Variants in UTP18 observed in about 807,000 individuals in gnomAD.
UTP18 encodes UTP18 small subunit processome component, also known as U3 small nucleolar RNA-associated protein 18 homolog.
In UTP18, 36 loss-of-function variants were observed where a neutral mutation model predicts 61.1. That is an observed-to-expected ratio of 0.59 (90% CI 0.45 to 0.78). UTP18 has a LOEUF of 0.78. UTP18 is among the 30% of genes least tolerant of loss of function. The pLI, the probability that UTP18 is intolerant of heterozygous loss-of-function variation, is 0.00. For synonymous variants in UTP18, 282 were observed against 251.1 expected, an observed-to-expected ratio of 1.12 and a Z score of -1.16; for missense variants, 753 against 693.9, an observed-to-expected ratio of 1.09 and a Z score of -0.96.
At chr17:51,290,891 T>C (rs908226627) in intron 11 of UTP18, among the ~76,000 whole-genome samples, 2 of 152,240 alleles carry the variant, frequency 1.3e-5, no homozygotes, top group Non-Finnish European at 2.9e-5. Flanking sequence ...CAATTCCTTA[T>C]AATGATCTAG....
intron 1 of UTP18, among the ~76,000 whole-genome samples, chr17:51,261,241 G>C (rs2144378460): frequency 6.6e-6 from 1 of 152,348 alleles, no homozygotes; most frequent in Non-Finnish European, 1.5e-5. Context: ...TTCCCAAACT[G>C]AGGGTGGTCT....
Position 51,276,944 on chromosome 17 carries a change from A to G in UTP18, c.838-186A>G, listed in dbSNP as rs549797756. Among the ~76,000 whole-genome samples, 8 of 152,288 alleles carry G rather than the reference A, an allele frequency of 5.3e-5. No homozygotes were observed. The South Asian group carries it at 1.5e-3, about 28-fold the overall frequency. ...AGAAGCTCTCTGAATACCTTCTGTTAAGCCTTTTTATGAAGGCCTCTTGAC... is the reference window on the plus strand; with the variant it reads ...AGAAGCTCTCTGAATACCTTCTGTTGAGCCTTTTTATGAAGGCCTCTTGAC... On this transcript the variant is annotated intron_variant, in intron 6 of 13. Coordinates refer to ENST00000225298, the MANE Select transcript of UTP18 (RefSeq NM_016001.3).
In UTP18 at chr17:51,288,152, T is replaced by C. The variant is rs765210027; in HGVS notation, c.1452T>C (p.Thr484=). ...TTACTTCTCTGACCTTCAATCCTACTACAGAAATCTTGGCAATTGCTTCAG... is the reference window on the plus strand; with the variant it reads ...TTACTTCTCTGACCTTCAATCCTACCACAGAAATCTTGGCAATTGCTTCAG... The part of the protein sequence containing the change: ...TGVTSLTFNP[T]TEILAIASEK... Residue 484 remains threonine (T), a synonymous_variant, in exon 11 of 14, where the codon ACT becomes ACC. Transcript: ENST00000225298. The C allele has an allele frequency of 5.6e-6, 9 of 1,603,122 alleles. No individual in the cohort carries two copies. The African/African-American group carries it at 1.1e-4, about 19-fold the overall frequency.
intron 10 of UTP18, among the ~76,000 whole-genome samples, 160 bp from the exon 11 acceptor site, chr17:51,287,869 G>A (rs1020291855): frequency 6.6e-6 from 1 of 152,186 alleles, no homozygotes; most frequent in African/African-American, 2.4e-5. Flanking sequence ...TGTTTGGTTG[G>A]AGGTTCTATA....
At chr17:51,263,549 G>A (rs542306687) in intron 2 of UTP18, among the ~76,000 whole-genome samples, 163 bp downstream of exon 2, 5 of 152,244 alleles carry the variant, frequency 3.3e-5, no homozygotes, top group African/African-American at 1.2e-4. Context: ...CACCACCGAG[G>A]GAGAACTGCT....
chr17:51,282,867 C>CTTTTTTTTTTTTTTTTTTTTTTT (rs534175274), intron 9 of UTP18, among the ~76,000 whole-genome samples: 1 of 120,696 alleles, frequency 8.3e-6, no homozygotes, highest in Admixed American at 9.2e-5. Flanking sequence ...TCTTCTTCTT[C>CTTTTTTTTTTTTTTTTTTTTTTT]TTTTTTTTTT....
chr17:51,277,031 T>TA (rs1904746164), intron 6 of UTP18, 99 bp from the exon 7 acceptor site: 1 of 1,268,466 alleles, frequency 7.9e-7, no homozygotes, highest in Admixed American at 2.2e-5. Context: ...GCCCCTTGGA[T>TA]ATGTATTTTT....
chr17:51,268,005 T>TTG (rs1904357334), intron 3 of UTP18, among the ~76,000 whole-genome samples: 1 of 143,168 alleles, frequency 7.0e-6, no homozygotes, highest in Non-Finnish European at 1.5e-5. Flanking sequence ...TTTTTGTTTT[T>TTG]TGTTTTTTGT....
At chr17:51,291,163 G>A (rs1216171215) in intron 11 of UTP18, among the ~76,000 whole-genome samples, 1 of 152,214 alleles carries the variant, frequency 6.6e-6, no homozygotes, top group Non-Finnish European at 1.5e-5. Flanking sequence ...TGAGGCCGAG[G>A]CAGATGGATC....
chr17:51,296,771 G>A (rs781313185), intron 12 of UTP18, 194 bp from the exon 13 acceptor site: 1 of 522,382 alleles, frequency 1.9e-6, no homozygotes. Flanking sequence ...GCCTACTCAT[G>A]TTACCTAAAA....
At chr17:51,273,771 A>AAATAAATT (rs1263393227) in intron 5 of UTP18, among the ~76,000 whole-genome samples, 1 of 150,418 alleles carries the variant, frequency 6.6e-6, no homozygotes, top group Non-Finnish European at 1.5e-5. Flanking sequence ...ATAAATAAAT[A>AAATAAATT]AATTTTCCAG....
intron 6 of UTP18, among the ~76,000 whole-genome samples, chr17:51,276,550 G>A (rs547551347): frequency 1.3e-5 from 2 of 152,300 alleles, no homozygotes; most frequent in South Asian, 4.1e-4. Flanking sequence ...GGTCTTCCAT[G>A]TTTAATCTAA....
chr17:51,265,988 A>G (rs574120890), intron 2 of UTP18, among the ~76,000 whole-genome samples, 194 bp from the exon 3 acceptor site: 2 of 152,378 alleles, frequency 1.3e-5, no homozygotes, highest in South Asian at 2.1e-4. Flanking sequence ...AGTGTAAACC[A>G]GATGATCTGA....
In UTP18 at chr17:51,284,022, G is replaced by A. The variant is rs556523431; in HGVS notation, c.1205-1223G>A. ...CTCTTCCCATTTTAGTCTACTGAGA[G>A]ACTAATCTTTAAAACACTTTCCTTT... is the stretch of plus-strand genomic sequence containing the variant. On this transcript the variant is annotated intron_variant, in intron 9 of 13. Coordinates refer to ENST00000225298, the MANE Select transcript of UTP18 (RefSeq NM_016001.3). Among the ~76,000 whole-genome samples the A allele has an allele frequency of 4.6e-5, 7 of 152,328 alleles. No individual in the cohort carries two copies. In the East Asian group the frequency reaches 1.2e-3, roughly 25 times the overall value.
At position 51,260,644 on chromosome 17, in the gene UTP18, G is replaced by C. The variant is rs1323551541; in HGVS notation, c.60G>C (p.Lys20Asn). The change falls in exon 1 of 14, where the codon AAG becomes AAC. Residue 20 changes from lysine to asparagine, a missense_variant. Physicochemically the swap from Lys to Asn is moderately conservative, Grantham distance 94. Coordinates refer to ENST00000225298, the MANE Select transcript of UTP18 (RefSeq NM_016001.3). ...KLDRRTGAKPKRKPGMRPDWK... is the reference protein window; with the variant it reads ...KLDRRTGAKPNRKPGMRPDWK... ...ACCGGAGAACCGGAGCGAAGCCGAAGCGGAAGCCCGGAATGAGGCCGGACT... is the reference window on the plus strand; with the variant it reads ...ACCGGAGAACCGGAGCGAAGCCGAACCGGAAGCCCGGAATGAGGCCGGACT... 1.2e-6 allele frequency: 2 copies of C among 1,612,568 alleles called. No homozygotes were observed. Among genetic ancestry groups the C allele is most frequent in the Middle Eastern group, 1.7e-4 (1 of 6,006 alleles).
rs2055430519 is a variant in UTP18 at position 51,260,712 on chromosome 17, C to T, written c.128C>T (p.Ala43Val). The stretch of plus-strand genomic sequence containing the variant: ...CCAGGCGGGCCTCCCCAAAAGCCTG[C>T]CCCTTCATCCCAGCGGAAACCGCCG... Reference protein sequence around the residue: ...AGPGGPPQKPAPSSQRKPPAR... With the variant: ...AGPGGPPQKPVPSSQRKPPAR... The change falls in exon 1 of 14, where the codon GCC (alanine) becomes GTC (valine). Residue 43 changes from alanine (A) to valine (V), a missense_variant. Transcript: ENST00000225298. 6.2e-7 allele frequency: 1 copy of T among 1,600,468 alleles called. No individual in the cohort carries two copies. Among genetic ancestry groups the T allele is most frequent in the Middle Eastern group, 1.8e-4 (1 of 5,642 alleles).
rs368653640 is a variant in UTP18, at chr17:51,291,749, AAAAAG to A, written c.1504-2138_1504-2134del. 4.8e-3 allele frequency among the ~76,000 whole-genome samples: 721 copies of A among 150,764 alleles called. 2 individuals are homozygous for A. The highest frequency in any genetic ancestry group is 8.9e-3 in the Admixed American group (136 of 15,212). On this transcript the variant is annotated intron_variant, in intron 11 of 13. Coordinates refer to ENST00000225298, the MANE Select transcript of UTP18 (RefSeq NM_016001.3). The stretch of plus-strand genomic sequence containing the variant: ...GTGAGACTTGATCTCAAAAAAAAAA[AAAAAG>A]AAAAGAAAAGAAAAGTCATTCAGAT...
chr17:51,285,300 T>C lies in UTP18; in HGVS notation c.1260T>C (p.Phe420=), dbSNP rs767449551. Residue 420 remains phenylalanine (F), a synonymous_variant, in exon 10 of 14, where the codon TTT becomes TTC. Coordinates refer to ENST00000225298, the MANE Select transcript of UTP18 (RefSeq NM_016001.3). The stretch of plus-strand genomic sequence containing the variant: ...ACTCAAGGAAGTGCCTTAACAGATT[T>C]GTTGATGAAGGCAGTTTATATGGAT... ...DVNSRKCLNR[F]VDEGSLYGLS... The C allele has an allele frequency of 6.8e-6, 11 of 1,613,922 alleles. No individual in the cohort carries two copies. In the African/African-American group the frequency reaches 1.1e-4, roughly 16 times the overall value.
intron 12 of UTP18, among the ~76,000 whole-genome samples, chr17:51,294,842 C>G (rs1905322963): frequency 6.6e-6 from 1 of 152,140 alleles, no homozygotes; most frequent in Non-Finnish European, 1.5e-5. Context: ...GTTCCTATTT[C>G]TCCACATCCT....
Sources: gnomAD v4.1 joint callset for allele counts (sites outside exome capture counted in the v4.1 genomes callset) on GRCh38, gnomAD v4.1.1 for gene constraint, MANE v1.5 for transcripts, NCBI Gene and HGNC (gene_info 2026-07-23, HGNC 2026-07-21) for gene names.